Variants in SP1 observed in about 807,000 individuals in gnomAD.
SP1 encodes transcription factor Sp1.
In SP1, 6 loss-of-function variants were observed where a neutral mutation model predicts 66.3. That is an observed-to-expected ratio of 0.09 (90% CI 0.05 to 0.18). The LOEUF is 0.18. SP1 is among the 10% of genes least tolerant of loss of function. SP1 has a pLI of 1.00. For missense variants in SP1, 848 were observed against 964.5 expected, an observed-to-expected ratio of 0.88 and a Z score of 1.60; for synonymous variants, 417 against 360.8, an observed-to-expected ratio of 1.16 and a Z score of -1.77.
In SP1 at chr12:53,414,136, AACTG is replaced by A. The variant is rs1403847960; in HGVS notation, c.*2899_*2902del. The A allele has an allele frequency of 2.0e-5, 3 of 152,338 alleles. No homozygotes were observed. Among genetic ancestry groups the A allele is most frequent in the Admixed American group, 1.3e-4 (2 of 15,296 alleles). The allele number at this position is 152,338 out of a possible 1,614,324, so 9.4% of individuals were successfully genotyped here. On this transcript the variant is annotated 3_prime_UTR_variant, in exon 6 of 6. Coordinates refer to ENST00000327443, the MANE Select transcript of SP1 (RefSeq NM_138473.3). ...ACTTTTGGCTAACAGAAATTAATTTAACTGACATGCATATTGATTCTGAAATTTT... is the reference window on the plus strand; with the variant it reads ...ACTTTTGGCTAACAGAAATTAATTTAACATGCATATTGATTCTGAAATTTT...
At chr12:53,400,190 C>T (rs1478662403) in intron 3 of SP1, among the ~76,000 whole-genome samples, 1 of 152,200 alleles carries the variant, frequency 6.6e-6, no homozygotes, top group African/African-American at 2.4e-5. Context: ...TCACTCTCAG[C>T]CCCAAGCAAT....
chr12:53,401,457 GAA>G (rs11367408), intron 3 of SP1, among the ~76,000 whole-genome samples: 63 of 81,120 alleles, frequency 7.8e-4, no homozygotes, highest in Admixed American at 1.1e-3. Flanking sequence ...ATCTATCTGG[GAA>G]AAAAAAAAAA....
At chr12:53,381,285 T>A (rs1938091162) in intron 1 of SP1, 1 of 160,540 alleles carries the variant, frequency 6.2e-6, no homozygotes, top group East Asian at 1.9e-4. Context: ...TTTAGCAAGC[T>A]TTCCATGCAC....
chr12:53,381,967 T>C, intron 2 of SP1, 143 bp from the exon 3 acceptor site: 1 of 1,147,860 alleles, frequency 8.7e-7, no homozygotes, highest in Non-Finnish European at 1.2e-6. Flanking sequence ...ACAAAGGAGT[T>C]TCAGCAATAC....
rs370699625 is a variant in SP1 at position 53,383,406 on chromosome 12, A to G, written c.1459A>G (p.Met487Val). Residue 487 changes from methionine (M) to valine (V), a missense_variant, in exon 3 of 6, where the codon ATG becomes GTG. Met to Val is a conservative substitution (Grantham distance 21). This residue lies in a region of SP1 where 606 missense variants were observed against 589.9 expected (regional missense o/e 1.03). Transcript: ENST00000327443. The stretch of plus-strand genomic sequence containing the variant: ...AGCCCAAACAATCACCTTAGCCCCA[A>G]TGCAGGGTGTTTCCTTGGGGCAGAC... ...PQAQTITLAP[M>V]QGVSLGQTSS... The G allele has an allele frequency of 2.4e-5, 39 of 1,614,060 alleles. 1 individual carries two copies. Among genetic ancestry groups the G allele is most frequent in the South Asian group, 1.8e-4 (16 of 91,092 alleles).
At chr12:53,398,161 TATACAA>T (rs752954358) in intron 3 of SP1, among the ~76,000 whole-genome samples, 1 of 152,238 alleles carries the variant, frequency 6.6e-6, no homozygotes, top group Non-Finnish European at 1.5e-5. Context: ...GATTTATAGA[TATACAA>T]ATACATATGA....
chr12:53,384,683 C>T (rs540011141), intron 3 of SP1, among the ~76,000 whole-genome samples: 17 of 152,286 alleles, frequency 1.1e-4, no homozygotes, highest in East Asian at 7.7e-4. Flanking sequence ...CCAACTCCTC[C>T]ATAGGATAAA....
Position 53,380,177 on chromosome 12 carries a change from C to A in SP1, c.-115C>A. The A allele has an allele frequency of 8.6e-6, 6 of 695,620 alleles. No individual in the cohort carries two copies. Among genetic ancestry groups the A allele is most frequent in the Admixed American group, 2.1e-5 (1 of 47,160 alleles). The allele number at this position is 695,620 out of a possible 1,614,324, so 43.1% of individuals were successfully genotyped here. A position where few individuals can be genotyped will look rare whatever the true frequency, so the allele number is the denominator to read the frequency against. ...GTGGCGCGCTGCTCCCTCCTCCTTA[C>A]CCCCCCCTCCCTGTCCGGTCCGGGT... On this transcript the variant is annotated 5_prime_UTR_variant, in exon 1 of 6. Coordinates refer to ENST00000327443, the MANE Select transcript of SP1 (RefSeq NM_138473.3).
Position 53,404,889 on chromosome 12 carries a change from G to GC in SP1, c.1676-1695dup, listed in dbSNP as rs555393104. The stretch of plus-strand genomic sequence containing the variant: ...CTCGCTCTGTCGGCCAGGCTGGAGT[G>GC]CAGTGGCACAGTCTCGGCTCACTGC... On this transcript the variant is annotated intron_variant, in intron 3 of 5. Coordinates refer to ENST00000327443, the MANE Select transcript of SP1 (RefSeq NM_138473.3). Among the ~76,000 whole-genome samples the GC allele has an allele frequency of 2.3e-3, 346 of 152,196 alleles. 1 individual carries two copies. Among genetic ancestry groups the GC allele is most frequent in the African/African-American group, 8.0e-3 (333 of 41,542 alleles).
At chr12:53,400,232 A>G (rs1426199566) in intron 3 of SP1, among the ~76,000 whole-genome samples, 1 of 152,228 alleles carries the variant, frequency 6.6e-6, no homozygotes, top group Non-Finnish European at 1.5e-5. Context: ...AGAATTGACT[A>G]TTCTAGATAT....
At chr12:53,403,871 T>A (rs564379112) in intron 3 of SP1, among the ~76,000 whole-genome samples, 1 of 151,280 alleles carries the variant, frequency 6.6e-6, no homozygotes, top group South Asian at 2.1e-4. Context: ...TGAGACCCGG[T>A]CTCCTTAAAA....
rs1465291379 is a variant in SP1, at chr12:53,382,125, C to T, written c.178C>T (p.Pro60Ser). Residue 60 changes from proline (P) to serine (S), a missense_variant, in exon 3 of 6, where the codon CCT becomes TCT. By Grantham distance (74) the Pro-to-Ser change is moderately conservative. This residue lies in a region of SP1 where 84 missense variants were observed against 73.9 expected (regional missense o/e 1.14). Transcript: ENST00000327443. ...GGGGQESQPSPLALLAATCSR... is the reference protein window; with the variant it reads ...GGGGQESQPSSLALLAATCSR... The stretch of plus-strand genomic sequence containing the variant: ...TTTCGGCCAGGAGTCCCAGCCATCC[C>T]CTTTGGCTCTGCTGGCAGCAACTTG... 1.2e-6 allele frequency: 2 copies of T among 1,614,078 alleles called. No individual in the cohort carries two copies. The highest frequency in any genetic ancestry group is 8.5e-7 in the Non-Finnish European group (1 of 1,180,000).
chr12:53,380,931 T>A (rs1938080123), intron 1 of SP1, among the ~76,000 whole-genome samples: 1 of 150,144 alleles, frequency 6.7e-6, no homozygotes, highest in South Asian at 2.1e-4. Context: ...TTTTCACACT[T>A]GGATTTTTGT....
chr12:53,406,065 C>CTTTTTTTTTTTTTTTTTTTTTTTT (rs1170832065), intron 3 of SP1, among the ~76,000 whole-genome samples: 1 of 82,412 alleles, frequency 1.2e-5, no homozygotes, highest in Non-Finnish European at 2.5e-5. Flanking sequence ...TATTTTCTTT[C>CTTTTTTTTTTTTTTTTTTTTTTTT]TTTTTTTTTT....
chr12:53,403,354 CTTTTTTGG>C (rs1938654930), intron 3 of SP1, among the ~76,000 whole-genome samples: 1 of 151,890 alleles, frequency 6.6e-6, no homozygotes, highest in Admixed American at 6.6e-5. Flanking sequence ...TTATAGAAAT[CTTTTTTGG>C]TTTTTTGTTT....
intron 1 of SP1, 175 bp from the exon 2 acceptor site, chr12:53,381,484 G>C (rs1046552248): frequency 3.0e-5 from 16 of 536,990 alleles, no homozygotes; most frequent in South Asian, 5.4e-5. Context: ...ATTGAACCTA[G>C]TTCATGTCCT....
intron 3 of SP1, among the ~76,000 whole-genome samples, chr12:53,403,648 C>T (rs1335273062): frequency 1.3e-5 from 2 of 151,984 alleles, no homozygotes; most frequent in East Asian, 1.9e-4. Flanking sequence ...AGCCACCGTG[C>T]CTTCCCAGAC....
chr12:53,390,817 G>C (rs953702151), intron 3 of SP1, among the ~76,000 whole-genome samples: 1 of 152,016 alleles, frequency 6.6e-6, no homozygotes, highest in East Asian at 1.9e-4. Flanking sequence ...GTTAAATCAC[G>C]TTGCCTTGTG....
At chr12:53,403,812 GGGAGGATCACTTGAGCCCA>G (rs989455918) in intron 3 of SP1, among the ~76,000 whole-genome samples, 33 of 152,100 alleles carry the variant, frequency 2.2e-4, no homozygotes, top group African/African-American at 8.0e-4. Context: ...GGGCTGAGGC[GGGAGGATCACTTGAGCCCA>G]GGAGCTCGAG....
Sources: allele counts gnomAD v4.1 joint callset (sites outside exome capture counted in the v4.1 genomes callset), GRCh38; gene constraint gnomAD v4.1.1; regional missense constraint gnomAD v4.1.1; transcripts MANE v1.5; gene names NCBI Gene and HGNC (gene_info 2026-07-23, HGNC 2026-07-21).